Variants in LPP observed in about 807,000 individuals in gnomAD.
The protein encoded by LPP is lipoma-preferred partner.
A neutral mutation model predicts 60.4 loss-of-function variants in LPP; 38 were observed. The observed-to-expected ratio is 0.63, with a 90% CI of 0.49 to 0.83. The LOEUF (loss-of-function observed/expected upper bound fraction) is 0.83, where lower values mean the gene tolerates loss of function less well. LPP is among the 40% of genes least tolerant of loss of function. The pLI is 0.00. For missense variants in LPP, 902 were observed against 783.6 expected (o/e 1.15, Z -1.80); for synonymous variants, 328 against 290.8 (o/e 1.13, Z -1.30).
intron 6 of LPP, among the ~76,000 whole-genome samples, chr3:188,592,552 T>TG (rs1839006929): frequency 2.6e-5 from 3 of 115,250 alleles, no homozygotes; most frequent in Non-Finnish European, 3.9e-5. Flanking sequence ...TTTAGTTTTG[T>TG]TTTTGTTTTT....
intron 1 of LPP, among the ~76,000 whole-genome samples, chr3:188,163,266 C>G (rs1408294500): frequency 1.3e-5 from 2 of 152,138 alleles, no homozygotes; most frequent in Non-Finnish European, 2.9e-5. Context: ...AGGTCTTCTT[C>G]AGAAACTTGT....
At chr3:188,430,917 C>CT (rs113945445) in intron 4 of LPP, among the ~76,000 whole-genome samples, 9 of 151,446 alleles carry the variant, frequency 5.9e-5, no homozygotes, top group South Asian at 2.1e-4. Context: ...ACATAATTAA[C>CT]TTTTTTTTTC....
intron 5 of LPP, among the ~76,000 whole-genome samples, chr3:188,511,862 A>G (rs1217610693): frequency 2.0e-5 from 3 of 152,162 alleles, no homozygotes; most frequent in Non-Finnish European, 4.4e-5. Context: ...AGTAGTGACT[A>G]TGTCCCAGGC....
At chr3:188,851,466 C>G (rs939257383) in intron 9 of LPP, among the ~76,000 whole-genome samples, 2 of 152,216 alleles carry the variant, frequency 1.3e-5, no homozygotes, top group African/African-American at 4.8e-5. Context: ...TTTGAAACCA[C>G]ATTTTCCCCT....
chr3:188,473,455 A>G (rs546551991), intron 4 of LPP, among the ~76,000 whole-genome samples: 19 of 152,300 alleles, frequency 1.2e-4, no homozygotes, highest in Admixed American at 3.3e-4. Flanking sequence ...CAGAAGGTCA[A>G]TGATTCTTAA....
intron 4 of LPP, among the ~76,000 whole-genome samples, chr3:188,409,104 G>A (rs1784332145): frequency 6.6e-6 from 1 of 152,106 alleles, no homozygotes; most frequent in African/African-American, 2.4e-5. Flanking sequence ...ATATATATTT[G>A]GATGGCTGGC....
At chr3:188,254,554 T>C (rs1318069310) in intron 2 of LPP, among the ~76,000 whole-genome samples, 1 of 152,220 alleles carries the variant, frequency 6.6e-6, no homozygotes, top group African/African-American at 2.4e-5. Context: ...ATGTTTTTGC[T>C]CTGCCTTGGA....
chr3:188,529,345 A>G (rs1344794585), intron 6 of LPP, among the ~76,000 whole-genome samples: 1 of 152,184 alleles, frequency 6.6e-6, no homozygotes, highest in East Asian at 1.9e-4. Context: ...AAATTTCAAA[A>G]CCTATAGAAT....
intron 2 of LPP, among the ~76,000 whole-genome samples, chr3:188,242,613 A>G (rs1179829988): frequency 3.3e-5 from 5 of 152,202 alleles, no homozygotes; most frequent in Non-Finnish European, 7.3e-5. Flanking sequence ...AGTTAGGTAC[A>G]CAAATAGAAT....
At chr3:188,257,829 TTAAA>T (rs1732178239) in intron 2 of LPP, among the ~76,000 whole-genome samples, 4 of 152,206 alleles carry the variant, frequency 2.6e-5, no homozygotes, top group Admixed American at 2.0e-4. Flanking sequence ...CTCAAAGAGA[TTAAA>T]AGACTTACTT....
intron 5 of LPP, among the ~76,000 whole-genome samples, chr3:188,490,213 G>A (rs570053924): frequency 1.3e-5 from 2 of 152,280 alleles, no homozygotes; most frequent in East Asian, 3.9e-4. Context: ...GCTACTGAAA[G>A]ATGTTACTTT....
chr3:188,857,727 T>C (rs1764178756), intron 9 of LPP, among the ~76,000 whole-genome samples: 1 of 152,218 alleles, frequency 6.6e-6, no homozygotes. Flanking sequence ...TTTTATATTA[T>C]GACATTATCC....
At chr3:188,355,389 C>T (rs1767306723) in intron 3 of LPP, among the ~76,000 whole-genome samples, 1 of 152,140 alleles carries the variant, frequency 6.6e-6, no homozygotes, top group Non-Finnish European at 1.5e-5. Flanking sequence ...CTGGTAAAAT[C>T]ACTTACTGGG....
At chr3:188,824,802 T>TG in intron 9 of LPP, among the ~76,000 whole-genome samples, 1 of 152,306 alleles carries the variant, frequency 6.6e-6, no homozygotes, top group South Asian at 2.1e-4. Context: ...CACATTTATC[T>TG]GGCTTCATCT....
intron 2 of LPP, among the ~76,000 whole-genome samples, chr3:188,287,242 A>G (rs1263931035): frequency 6.6e-6 from 1 of 152,186 alleles, no homozygotes; most frequent in Non-Finnish European, 1.5e-5. Flanking sequence ...CCAGCCTCAT[A>G]TCTCCCTTGG....
chr3:188,758,050 A>G (rs746077807), intron 8 of LPP, among the ~76,000 whole-genome samples: 2 of 152,144 alleles, frequency 1.3e-5, no homozygotes, highest in Non-Finnish European at 2.9e-5. Context: ...AACAAATACT[A>G]TACAAAATTT....
chr3:188,586,733 T>TTG (rs386398842), intron 6 of LPP, among the ~76,000 whole-genome samples: 1 of 676 alleles, frequency 1.5e-3, no homozygotes, highest in Non-Finnish European at 0.019. Flanking sequence ...TTAAACATTG[T>TTG]TTTTTTTTTT....
chr3:188,310,303 T>C (rs180763199), intron 2 of LPP, among the ~76,000 whole-genome samples: 3 of 152,050 alleles, frequency 2.0e-5, no homozygotes, highest in African/African-American at 7.2e-5. Context: ...TCTTCTAATG[T>C]CTGCAGTGAT....
chr3:188,490,772 T>TTTTTTTTTG (rs1553912545), intron 5 of LPP, among the ~76,000 whole-genome samples: 18 of 147,644 alleles, frequency 1.2e-4, no homozygotes, highest in Non-Finnish European at 2.2e-4. Flanking sequence ...TTTTTTTTTT[T>TTTTTTTTTG]GGGACAGAGT....
Sources: gnomAD v4.1 joint callset for allele counts (sites outside exome capture counted in the v4.1 genomes callset) on GRCh38, gnomAD v4.1.1 for gene constraint, MANE v1.5 for transcripts, NCBI Gene and HGNC (gene_info 2026-07-23, HGNC 2026-07-21) for gene names.